TMEM63A: variants seen among roughly 807,000 people sequenced by gnomAD.
TMEM63A encodes transmembrane protein 63A.
TMEM63A carries 76 observed loss-of-function variants against 100.6 expected under a neutral mutation model. That is an observed-to-expected ratio of 0.76 (90% CI 0.63 to 0.91). The LOEUF (loss-of-function observed/expected upper bound fraction) is 0.91, where lower values mean the gene tolerates loss of function less well. TMEM63A is among the 40% of genes least tolerant of loss of function. TMEM63A has a pLI of 0.00. For synonymous variants in TMEM63A, 401 were observed against 401.1 expected (o/e 1.00, Z 0.00); for missense variants, 876 against 1,008.8 (o/e 0.87, Z 1.78).
chr1:225,864,254 C>T (rs1670089265), intron 10 of TMEM63A: 1 of 152,246 alleles, frequency 6.6e-6, no homozygotes, highest in Non-Finnish European at 1.5e-5. Context: ...CTGCCAGGCA[C>T]TGTTCTAGGT....
chr1:225,854,577 G>A (rs1669517983), intron 18 of TMEM63A, among the ~76,000 whole-genome samples: 2 of 152,228 alleles, frequency 1.3e-5, no homozygotes, highest in Non-Finnish European at 2.9e-5. Flanking sequence ...GAAAGTTGTA[G>A]AGTAGCAGAT....
At chr1:225,869,129 G>C (rs1004277282) in intron 6 of TMEM63A, among the ~76,000 whole-genome samples, 2 of 152,162 alleles carry the variant, frequency 1.3e-5, no homozygotes, top group African/African-American at 4.8e-5. Flanking sequence ...GTAATCCAGC[G>C]CAGCGGCCTC....
At position 225,881,361 on chromosome 1, in the gene TMEM63A, G is replaced by A. The variant is rs550477375; in HGVS notation, c.-206+943C>T. 7.2e-5 allele frequency among the ~76,000 whole-genome samples: 11 copies of A among 152,330 alleles called. No individual in the cohort carries two copies. The South Asian group carries it at 2.3e-3, about 32-fold the overall frequency. On this transcript the variant is annotated intron_variant, in intron 1 of 24. Transcript: ENST00000366835. ...ACAGATCCCAAACAACACCTGTAAA[G>A]CACTTAGCCCAGGACCCGGCCCTAG... is the stretch of plus-strand genomic sequence containing the variant.
Position 225,845,664 on chromosome 1 carries a change from G to T in TMEM63A, c.*1275C>A. The T allele has an allele frequency of 2.2e-6, 1 of 463,802 alleles. No individual in the cohort carries two copies. Among genetic ancestry groups the T allele is most frequent in the Non-Finnish European group, 4.0e-6 (1 of 251,376 alleles). The allele number at this position is 463,802 out of a possible 1,614,324, so 28.7% of individuals were successfully genotyped here. A position where few individuals can be genotyped will look rare whatever the true frequency, so the allele number is the denominator to read the frequency against. On this transcript the variant is annotated 3_prime_UTR_variant, in exon 25 of 25. Transcript: ENST00000366835. Reference sequence around the variant, plus strand: ...CTCCTTGCTGGCAGAGGCACGGGAGGCCTGCTGGGGATGAGGCCACTGGCC... The same window carrying T: ...CTCCTTGCTGGCAGAGGCACGGGAGTCCTGCTGGGGATGAGGCCACTGGCC...
At chr1:225,851,736 CAAGA>C (rs1029957756) in intron 20 of TMEM63A, among the ~76,000 whole-genome samples, 3 of 152,362 alleles carry the variant, frequency 2.0e-5, no homozygotes, top group African/African-American at 7.2e-5. Context: ...TAAAACTACA[CAAGA>C]AAGTATACAG....
chr1:225,850,239 GT>G (rs925739729), intron 20 of TMEM63A, among the ~76,000 whole-genome samples, 160 bp from the exon 21 acceptor site: 2 of 152,122 alleles, frequency 1.3e-5, no homozygotes, highest in East Asian at 1.9e-4. Flanking sequence ...CTGGCTACTA[GT>G]TTTTTTTCAC....
At chr1:225,877,361 G>A (rs2102648208) in intron 3 of TMEM63A, 34 bp downstream of exon 3, 3 of 1,579,744 alleles carry the variant, frequency 1.9e-6, no homozygotes, top group South Asian at 2.3e-5. Context: ...ACAAATAACT[G>A]AGGCAGTGGG....
At chr1:225,871,015 G>A (rs1670482059) in intron 6 of TMEM63A, 61 bp downstream of exon 6, 2 of 1,580,362 alleles carry the variant, frequency 1.3e-6, no homozygotes, top group Non-Finnish European at 1.7e-6. Context: ...CTCTTGACTG[G>A]CCAAACACCC....
At chr1:225,872,589 G>A (rs1670563397) in intron 4 of TMEM63A, among the ~76,000 whole-genome samples, 1 of 151,990 alleles carries the variant, frequency 6.6e-6, no homozygotes, top group African/African-American at 2.4e-5. Context: ...TTATATTGTG[G>A]CATTTTAATC....
At chr1:225,879,625 C>T (rs2102650767) in intron 1 of TMEM63A, among the ~76,000 whole-genome samples, 1 of 152,330 alleles carries the variant, frequency 6.6e-6, no homozygotes, top group South Asian at 2.1e-4. Flanking sequence ...CCTACTCCTC[C>T]TTCCTCGGCC....
At position 225,850,132 on chromosome 1, in the gene TMEM63A, T is replaced by G. The variant is rs1313542443; in HGVS notation, c.1904-53A>C. ...GACCTCGCAGGGCCACACAGACACC[T>G]CTGTCCTCTTCCTCTCCGGGGCGGC... On this transcript the variant is annotated intron_variant, in intron 20 of 24. Coordinates refer to ENST00000366835, the MANE Select transcript of TMEM63A (RefSeq NM_014698.3). The G allele has an allele frequency of 3.8e-6, 6 of 1,587,150 alleles. 1 individual carries two copies. Among genetic ancestry groups the G allele is most frequent in the Non-Finnish European group, 5.2e-6 (6 of 1,162,798 alleles).
chr1:225,848,795 G>T, intron 22 of TMEM63A, 102 bp downstream of exon 22: 1 of 1,002,328 alleles, frequency 1.0e-6, no homozygotes, highest in Non-Finnish European at 1.5e-6. Flanking sequence ...GAAGGCTGCT[G>T]CTGTGTTGAT....
chr1:225,848,125 C>G (rs942559471), intron 23 of TMEM63A: 1 of 222,556 alleles, frequency 4.5e-6, no homozygotes, highest in Non-Finnish European at 8.7e-6. Context: ...TGGAGGACCT[C>G]GCACAGGCAG....
chr1:225,856,542 T>A (rs1669625410), intron 17 of TMEM63A, 110 bp downstream of exon 17: 2 of 1,068,242 alleles, frequency 1.9e-6, no homozygotes, highest in Non-Finnish European at 2.8e-6. Flanking sequence ...CAGGCTTAGA[T>A]ATTGTTAGAG....
intron 15 of TMEM63A, among the ~76,000 whole-genome samples, chr1:225,858,607 G>A (rs1205277733): frequency 6.6e-6 from 1 of 152,144 alleles, no homozygotes; most frequent in East Asian, 1.9e-4. Flanking sequence ...TTACAGGCGT[G>A]AGCTACCGTG....
Position 225,866,581 on chromosome 1 carries a change from T to C in TMEM63A, c.668A>G (p.Glu223Gly), listed in dbSNP as rs1353028768. Residue 223 changes from glutamate (E) to glycine (G), a missense_variant, in exon 9 of 25, where the codon GAG becomes GGG. Physicochemically the swap from Glu to Gly is moderately conservative, Grantham distance 98 (BLOSUM62 -2). Around this residue, in one of 5 missense-constraint regions of TMEM63A, gnomAD observed 487 missense variants for 581.9 expected, o/e 0.84. Transcript: ENST00000366835. The stretch of plus-strand genomic sequence containing the variant: ...AAGTCCCGCCTCACTCACCAGGTTC[T>C]CCTCTTTGTACTTAATGGACTGAGT... ...HHTQSIKYKEENLVRRTLFIT... is the reference protein window; with the variant it reads ...HHTQSIKYKEGNLVRRTLFIT... 14 of 1,613,740 alleles carry C rather than the reference T, an allele frequency of 8.7e-6. No individual in the cohort carries two copies. The highest frequency in any genetic ancestry group is 1.2e-5 in the Non-Finnish European group (14 of 1,179,840).
chr1:225,863,428 C>T (rs986190601), intron 10 of TMEM63A, among the ~76,000 whole-genome samples: 31 of 152,232 alleles, frequency 2.0e-4, no homozygotes, highest in African/African-American at 7.2e-4. Context: ...TGGCACTTCT[C>T]CTGGGGAAAA....
At chr1:225,871,539 AC>A (rs1559049179) in intron 5 of TMEM63A, 1 of 210,300 alleles carries the variant, frequency 4.8e-6, no homozygotes, top group South Asian at 1.1e-4. Flanking sequence ...TAAACTTAAT[AC>A]CCCTAAAGCT....
intron 9 of TMEM63A, 44 bp from the exon 10 acceptor site, chr1:225,866,011 G>A (rs775434505): frequency 6.2e-7 from 1 of 1,602,502 alleles, no homozygotes; most frequent in East Asian, 2.2e-5. Context: ...CCACAAGCCA[G>A]TGTGCCGGTA....
Sources: gnomAD v4.1 joint callset for allele counts (sites outside exome capture counted in the v4.1 genomes callset) on GRCh38, gnomAD v4.1.1 for gene constraint, gnomAD v4.1.1 regional missense constraint, MANE v1.5 for transcripts, NCBI Gene and HGNC (gene_info 2026-07-23, HGNC 2026-07-21) for gene names.